RSRC1: variants seen among roughly 807,000 people sequenced by gnomAD.
The protein encoded by RSRC1 is arginine and serine rich coiled-coil 1.
A neutral mutation model predicts 49.1 loss-of-function variants in RSRC1; 39 were observed. That is an observed-to-expected ratio of 0.79 (90% confidence interval 0.61 to 1.04). The LOEUF (loss-of-function observed/expected upper bound fraction) is 1.04. Among genes scored for constraint, RSRC1 ranks in the 50% least tolerant of loss-of-function variants. The pLI, the probability that RSRC1 is intolerant of heterozygous loss-of-function variation, is 0.00. For missense variants in RSRC1, 388 were observed against 402.4 expected (o/e 0.96, Z 0.31); for synonymous variants, 143 against 130.8 (o/e 1.09, Z -0.63).
At chr3:158,403,667 G>A (rs893579410) in intron 6 of RSRC1, among the ~76,000 whole-genome samples, 3 of 151,582 alleles carry the variant, frequency 2.0e-5, no homozygotes, top group African/African-American at 7.3e-5. Flanking sequence ...TTAAATAAAT[G>A]AAAATTAAGA....
chr3:158,274,938 A>G (rs1379204997), intron 4 of RSRC1, among the ~76,000 whole-genome samples: 1 of 152,208 alleles, frequency 6.6e-6, no homozygotes, highest in Non-Finnish European at 1.5e-5. Flanking sequence ...TAGACTAAGA[A>G]TGATGTACTT....
At chr3:158,289,256 C>T (rs1417547439) in intron 4 of RSRC1, among the ~76,000 whole-genome samples, 2 of 152,030 alleles carry the variant, frequency 1.3e-5, no homozygotes, top group South Asian at 2.1e-4. Flanking sequence ...CTTCTCTTTC[C>T]CCTGTAGACC....
At chr3:158,490,773 C>T (rs1367950899) in intron 7 of RSRC1, among the ~76,000 whole-genome samples, 2 of 152,180 alleles carry the variant, frequency 1.3e-5, no homozygotes, top group South Asian at 2.1e-4. Flanking sequence ...GAAACTGATG[C>T]TAATCTTAAT....
intron 3 of RSRC1, among the ~76,000 whole-genome samples, chr3:158,193,889 A>T (rs889292888): frequency 1.3e-5 from 2 of 152,136 alleles, no homozygotes; most frequent in African/African-American, 2.4e-5. Flanking sequence ...TAGGACAATA[A>T]AATAATTAAA....
At chr3:158,286,412 G>A (rs1395076903) in intron 4 of RSRC1, among the ~76,000 whole-genome samples, 2 of 152,146 alleles carry the variant, frequency 1.3e-5, no homozygotes, top group East Asian at 3.9e-4. Flanking sequence ...AGTGTTAAAT[G>A]AGCAGATTAT....
chr3:158,514,411 A>T (rs1165646438), intron 7 of RSRC1, among the ~76,000 whole-genome samples: 2 of 152,102 alleles, frequency 1.3e-5, no homozygotes, highest in African/African-American at 4.8e-5. Flanking sequence ...TTCAGTTTCC[A>T]TGTAGTTGAG....
chr3:158,239,981 C>T (rs1723476599), intron 4 of RSRC1, among the ~76,000 whole-genome samples: 1 of 152,066 alleles, frequency 6.6e-6, no homozygotes, highest in Non-Finnish European at 1.5e-5. Context: ...CTTGTTTGTA[C>T]TTTGATTGGA....
intron 7 of RSRC1, among the ~76,000 whole-genome samples, chr3:158,514,625 T>C (rs751712365): frequency 7.2e-4 from 109 of 152,274 alleles, no homozygotes; most frequent in Non-Finnish European, 1.4e-3. Context: ...TGTAGATGTC[T>C]ATTATGTCCG....
At chr3:158,516,443 A>T (rs1362217165) in intron 7 of RSRC1, among the ~76,000 whole-genome samples, 1 of 152,120 alleles carries the variant, frequency 6.6e-6, no homozygotes, top group Non-Finnish European at 1.5e-5. Flanking sequence ...TTGAGGAGGC[A>T]GTCTGCCTGT....
intron 6 of RSRC1, among the ~76,000 whole-genome samples, chr3:158,436,489 C>G (rs138697213): frequency 7.9e-5 from 12 of 151,912 alleles, no homozygotes; most frequent in Admixed American, 7.9e-4. Flanking sequence ...TGTGCCCACA[C>G]GTGCATGCAT....
chr3:158,144,738 TACAGTCCCCCCA>T (rs1716970253), intron 3 of RSRC1, among the ~76,000 whole-genome samples: 1 of 152,210 alleles, frequency 6.6e-6, no homozygotes, highest in Non-Finnish European at 1.5e-5. Context: ...TGAACTAGTT[TACAGTCCCCCCA>T]ACAGTGTAAA....
intron 4 of RSRC1, among the ~76,000 whole-genome samples, chr3:158,294,226 C>T (rs928295718): frequency 1.3e-5 from 2 of 151,898 alleles, no homozygotes; most frequent in African/African-American, 2.4e-5. Context: ...CTCCCTATGC[C>T]TTCTGCAATA....
At chr3:158,270,550 A>C (rs1473662148) in intron 4 of RSRC1, among the ~76,000 whole-genome samples, 1 of 152,238 alleles carries the variant, frequency 6.6e-6, no homozygotes, top group Non-Finnish European at 1.5e-5. Flanking sequence ...ATACCATAAT[A>C]TGCTCACTGT....
At chr3:158,325,191 C>T (rs182397523) in intron 5 of RSRC1, among the ~76,000 whole-genome samples, 218 of 152,126 alleles carry the variant, frequency 1.4e-3, no homozygotes, top group East Asian at 4.1e-3. Flanking sequence ...CTGTTCACTT[C>T]GATGGTAGTT....
chr3:158,186,876 TATG>T (rs959740836), intron 3 of RSRC1, among the ~76,000 whole-genome samples: 5 of 151,934 alleles, frequency 3.3e-5, no homozygotes, highest in South Asian at 2.1e-4. Flanking sequence ...GTAAGGTTGA[TATG>T]ATGAGAATTC....
chr3:158,483,547 G>C (rs997784927), intron 7 of RSRC1, among the ~76,000 whole-genome samples: 8 of 152,024 alleles, frequency 5.3e-5, no homozygotes, highest in African/African-American at 1.4e-4. Context: ...TTTAATGTGT[G>C]ACAGTCTGAG....
At chr3:158,316,321 AG>A (rs1203208919) in intron 5 of RSRC1, among the ~76,000 whole-genome samples, 2 of 152,104 alleles carry the variant, frequency 1.3e-5, no homozygotes, top group African/African-American at 4.8e-5. Context: ...ATATGGAAAG[AG>A]TTAGTGTAGC....
intron 4 of RSRC1, among the ~76,000 whole-genome samples, chr3:158,214,302 C>A (rs953962333): frequency 6.6e-6 from 1 of 151,610 alleles, no homozygotes; most frequent in Admixed American, 6.6e-5. Context: ...CCCTTAGTAT[C>A]TTTTTAAAAT....
chr3:158,205,529 C>T (rs912293653), intron 4 of RSRC1, among the ~76,000 whole-genome samples: 6 of 152,100 alleles, frequency 3.9e-5, no homozygotes, highest in African/African-American at 1.4e-4. Flanking sequence ...AGCTTTCACA[C>T]AGGTGGGAAT....
Sources: gnomAD v4.1 joint callset for allele counts (sites outside exome capture counted in the v4.1 genomes callset) on GRCh38, gnomAD v4.1.1 for gene constraint, MANE v1.5 for transcripts, NCBI Gene and HGNC (gene_info 2026-07-23, HGNC 2026-07-21) for gene names.